XPC: variants seen among roughly 807,000 people sequenced by gnomAD.
The protein encoded by XPC is XPC complex subunit, DNA damage recognition and repair factor.
XPC carries 76 observed loss-of-function variants against 95.8 expected under a neutral mutation model. The ratio of observed to expected loss-of-function variants is 0.79; its 90% confidence interval spans 0.66 to 0.96. The LOEUF (loss-of-function observed/expected upper bound fraction) is 0.96, where lower values mean the gene tolerates loss of function less well. Ranked by LOEUF, XPC falls within the 40% of genes least tolerant of loss-of-function variation. The pLI is 0.00. For synonymous variants in XPC, 442 were observed against 442.1 expected, an observed-to-expected ratio of 1.00 and a Z score of 0.00; for missense variants, 1,146 against 1,179.8, an observed-to-expected ratio of 0.97 and a Z score of 0.42.
Position 14,158,843 on chromosome 3 carries a change from G to A in XPC, c.1040C>T (p.Ser347Leu), listed in dbSNP as rs1696050737. The change falls in exon 9 of 16, where the codon TCA (serine) becomes TTA (leucine). Residue 347 changes from serine to leucine, a missense_variant. Ser to Leu is a moderately radical substitution (Grantham distance 145). Transcript: ENST00000285021. This position sits in a 1 kb window ranked among gnomAD's most constrained non-coding sequence, Gnocchi z 5.2. Reference protein sequence around the residue: ...ERLTADPGGSSETSSQVLENH... With the variant: ...ERLTADPGGSLETSSQVLENH... The stretch of plus-strand genomic sequence containing the variant: ...TTCTAGAACTTGGCTGGAAGTTTCT[G>A]AGGAGCCTCCTGGATCCGCAGTCAA... 6.2e-7 allele frequency: 1 copy of A among 1,613,952 alleles called. No homozygotes were observed. Among genetic ancestry groups the A allele is most frequent in the Non-Finnish European group, 8.5e-7 (1 of 1,179,874 alleles).
chr3:14,148,647 G>T lies in XPC; in HGVS notation c.2335C>A (p.Leu779Ile), dbSNP rs1235921233. 6.2e-7 allele frequency: 1 copy of T among 1,614,060 alleles called. No individual in the cohort carries two copies. Among genetic ancestry groups the T allele is most frequent in the South Asian group, 1.1e-5 (1 of 91,092 alleles). ...IGCVQLNLPN[L>I]HRVARKLDID... ...TCCAGCTTGCGGGCCACGCGGTGTA[G>T]ATTGGGCAGGTTCAGCTGGACACAG... The change falls in exon 13 of 16, where the codon CTA becomes ATA. Residue 779 changes from leucine to isoleucine, a missense_variant. By Grantham distance (5) the Leu-to-Ile change is conservative. Transcript: ENST00000285021.
chr3:14,173,940 A>G (rs1696712154), intron 1 of XPC, among the ~76,000 whole-genome samples: 1 of 152,168 alleles, frequency 6.6e-6, no homozygotes, highest in Non-Finnish European at 1.5e-5. Context: ...AGGGATTGCA[A>G]TATTAACCTA....
Position 14,158,931 on chromosome 3 carries a change from C to T in XPC, c.991-39G>A, listed in dbSNP as rs371154995. On this transcript the variant is annotated intron_variant, in intron 8 of 15. Transcript: ENST00000285021. This position sits in a 1 kb window ranked among gnomAD's most constrained non-coding sequence, Gnocchi z 5.2. Reference sequence around the variant, plus strand: ...AGAAATTTTGCTTTTTTTTCTCCCCCCTCTTTTGCTAATGATATGATAGAA... The same window carrying T: ...AGAAATTTTGCTTTTTTTTCTCCCCTCTCTTTTGCTAATGATATGATAGAA... The T allele has an allele frequency of 4.3e-6, 7 of 1,611,216 alleles. No individual in the cohort carries two copies. Among genetic ancestry groups the T allele is most frequent in the African/African-American group, 2.7e-5 (2 of 74,744 alleles).
intron 1 of XPC, among the ~76,000 whole-genome samples, chr3:14,177,938 A>C (rs934770518): frequency 6.6e-6 from 1 of 152,216 alleles, no homozygotes; most frequent in African/African-American, 2.4e-5. Context: ...CTTTATAACA[A>C]GTATTGAGAC....
intron 1 of XPC, among the ~76,000 whole-genome samples, chr3:14,175,695 T>C (rs1696788161): frequency 6.6e-6 from 1 of 152,222 alleles, no homozygotes; most frequent in African/African-American, 2.4e-5. Flanking sequence ...GCCTGTTTTC[T>C]TTTCTCCTAT....
chr3:14,172,324 A>G (rs1696647489), intron 2 of XPC, among the ~76,000 whole-genome samples: 1 of 152,176 alleles, frequency 6.6e-6, no homozygotes, highest in South Asian at 2.1e-4. Context: ...TAGAAGCGCT[A>G]CAGGAAGTCA....
chr3:14,148,833 G>A lies in XPC; in HGVS notation c.2231C>T (p.Pro744Leu). ...GYWQTEEYQPPVAVDGKVPRN... is the reference protein window; with the variant it reads ...GYWQTEEYQPLVAVDGKVPRN... ...CCTTACCTTCCCGTCCACGGCCACT[G>A]GGGGCTGATACTCCTCTGTCTGCCA... The change falls in exon 12 of 16, where the codon CCA (proline) becomes CTA (leucine). Residue 744 changes from proline to leucine, a missense_variant. By Grantham distance (98) the Pro-to-Leu change is moderately conservative (BLOSUM62 -3). Coordinates refer to ENST00000285021, the MANE Select transcript of XPC (RefSeq NM_004628.5). 1 of 1,614,014 alleles carries A rather than the reference G, an allele frequency of 6.2e-7. No individual in the cohort carries two copies. Among genetic ancestry groups the A allele is most frequent in the Non-Finnish European group, 8.5e-7 (1 of 1,179,870 alleles).
rs751981130 is a variant in XPC at position 14,145,654 on chromosome 3, C to T, written c.*287G>A. The stretch of plus-strand genomic sequence containing the variant: ...ACAGGTCTAGGAGGCAGAAGAGTAT[C>T]TCCTAGCAAAGTGTTCTGTAGCTCA... On this transcript the variant is annotated 3_prime_UTR_variant, in exon 16 of 16. Transcript: ENST00000285021. 1.4e-6 allele frequency: 1 copy of T among 699,358 alleles called. No individual in the cohort carries two copies. The highest frequency in any genetic ancestry group is 1.5e-5 in the South Asian group (1 of 66,660). 43.3% of individuals were successfully genotyped at this position (699,358 alleles called of 1,614,324 possible). A position where few individuals can be genotyped will look rare whatever the true frequency, so the allele number is the denominator to read the frequency against.
chr3:14,160,293 T>G (rs1217974894), intron 7 of XPC, among the ~76,000 whole-genome samples: 1 of 152,216 alleles, frequency 6.6e-6, no homozygotes, highest in African/African-American at 2.4e-5. Flanking sequence ...AAAGTATCAT[T>G]ATCGTCAGAT....
intron 2 of XPC, among the ~76,000 whole-genome samples, chr3:14,172,169 T>C (rs955928138): frequency 3.9e-5 from 6 of 152,190 alleles, no homozygotes; most frequent in African/African-American, 4.8e-5. Context: ...CTTGTTCAGT[T>C]TCTGCCAAAT....
chr3:14,145,485 G>A lies in XPC; in HGVS notation c.*456C>T, dbSNP rs1695380233. 1.4e-6 allele frequency: 1 copy of A among 697,580 alleles called. No individual in the cohort carries two copies. Among genetic ancestry groups the A allele is most frequent in the African/African-American group, 1.8e-5 (1 of 57,044 alleles). 43.2% of individuals were successfully genotyped at this position (697,580 alleles called of 1,614,324 possible). A position where few individuals can be genotyped will look rare whatever the true frequency, so the allele number is the denominator to read the frequency against. ...AGTGGCCTGCAGAGAAATGGTCCTAGGTCCGCAACCGAGGCGAGTGAACTT... is the reference window on the plus strand; with the variant it reads ...AGTGGCCTGCAGAGAAATGGTCCTAAGTCCGCAACCGAGGCGAGTGAACTT... On this transcript the variant is annotated 3_prime_UTR_variant, in exon 16 of 16. Coordinates refer to ENST00000285021, the MANE Select transcript of XPC (RefSeq NM_004628.5).
chr3:14,158,893 C>T lies in XPC; in HGVS notation c.991-1G>A, dbSNP rs1000669774. ...ATCTTTCCTTGGAAGGTTTCTTTCC[C>T]TTAAACAGAATAAGAAATTTTGCTT... On this transcript the variant is annotated splice_acceptor_variant, in intron 8 of 15. Transcript: ENST00000285021. LOFTEE classifies it high-confidence loss of function. The surrounding 1 kb of genome is among the most constrained non-coding windows in gnomAD (Gnocchi z 5.2). The T allele has an allele frequency of 1.9e-6, 3 of 1,613,766 alleles. No individual in the cohort carries two copies. The highest frequency in any genetic ancestry group is 2.7e-5 in the African/African-American group (2 of 74,894).
intron 7 of XPC, among the ~76,000 whole-genome samples, chr3:14,162,519 T>C (rs1696204716): frequency 1.3e-5 from 2 of 152,162 alleles, no homozygotes. Context: ...GCCATGACCA[T>C]CCAAGCCCCA....
chr3:14,173,058 G>A lies in XPC; in HGVS notation c.108C>T (p.Ala36=). 1 of 1,575,568 alleles carries A rather than the reference G, an allele frequency of 6.3e-7. No homozygotes were observed. The highest frequency in any genetic ancestry group is 8.6e-7 in the Non-Finnish European group (1 of 1,161,468). The stretch of plus-strand genomic sequence containing the variant: ...TCTTTGGGGGTTTCTCATCTTCAAA[G>A]GCATCTAGGTGACAACACAGAACAT... ...KARREEEEED[A]FEDEKPPKKS... The change falls in exon 2 of 16, where the codon GCC becomes GCT. Residue 36 remains alanine (A), a synonymous_variant. Coordinates refer to ENST00000285021, the MANE Select transcript of XPC (RefSeq NM_004628.5).
At position 14,158,933 on chromosome 3, in the gene XPC, T is replaced by A; in HGVS notation, c.991-41A>T. On this transcript the variant is annotated intron_variant, in intron 8 of 15. Transcript: ENST00000285021. This position sits in a 1 kb window ranked among gnomAD's most constrained non-coding sequence, Gnocchi z 5.2. ...AAATTTTGCTTTTTTTTCTCCCCCC[T>A]CTTTTGCTAATGATATGATAGAAAT... The A allele has an allele frequency of 5.6e-6, 9 of 1,610,492 alleles. No homozygotes were observed. The highest frequency in any genetic ancestry group is 6.8e-6 in the Non-Finnish European group (8 of 1,179,370).
At chr3:14,176,552 T>A (rs1346268096) in intron 1 of XPC, among the ~76,000 whole-genome samples, 1 of 152,250 alleles carries the variant, frequency 6.6e-6, no homozygotes, top group Non-Finnish European at 1.5e-5. Context: ...CAGCACATAG[T>A]AGATACTCAA....
At chr3:14,170,663 T>G in intron 2 of XPC, 113 bp from the exon 3 acceptor site, 14 of 729,730 alleles carry the variant, frequency 1.9e-5, no homozygotes, top group Non-Finnish European at 2.9e-5. Flanking sequence ...CTGTTGCAAC[T>G]ATTTAAAGAT....
chr3:14,146,570 C>T (rs1695445659), intron 15 of XPC, among the ~76,000 whole-genome samples: 1 of 152,232 alleles, frequency 6.6e-6, no homozygotes, highest in Non-Finnish European at 1.5e-5. Context: ...GCGGCACTCC[C>T]TGCCAGCTGG....
chr3:14,171,882 G>A (rs761403399), intron 2 of XPC, among the ~76,000 whole-genome samples: 2 of 152,144 alleles, frequency 1.3e-5, no homozygotes, highest in Non-Finnish European at 1.5e-5. Context: ...TAGAGAAAAG[G>A]AGAAGAGATG....
Sources: allele counts gnomAD v4.1 joint callset (sites outside exome capture counted in the v4.1 genomes callset), GRCh38; gene constraint gnomAD v4.1.1; non-coding constraint Gnocchi (gnomAD v3.1); transcripts MANE v1.5; gene names NCBI Gene and HGNC (gene_info 2026-07-23, HGNC 2026-07-21).